FMN2: variants seen among roughly 807,000 people sequenced by gnomAD.
The protein encoded by FMN2 is formin-2.
A neutral mutation model predicts 142.3 loss-of-function variants in FMN2; 51 were observed. That is an observed-to-expected ratio of 0.36 (90% confidence interval 0.29 to 0.45). The LOEUF is 0.45. Among genes scored for constraint, FMN2 ranks in the 20% least tolerant of loss-of-function variants. The pLI is 1.00. For missense variants in FMN2, 1,936 were observed against 2,122.8 expected (o/e 0.91, Z 1.73); for synonymous variants, 882 against 869.8 (o/e 1.01, Z -0.25).
rs1671242279 is a variant in FMN2 at position 240,328,150 on chromosome 1, A to AT, written c.4216-926_4216-925insT. Among the ~76,000 whole-genome samples, 4 of 136,964 alleles carry AT rather than the reference A, an allele frequency of 2.9e-5. 1 individual carries two copies. The highest frequency in any genetic ancestry group is 1.1e-4 in the African/African-American group (4 of 35,512). The allele number at this position is 136,964 out of a possible 152,430, so 89.9% of individuals were successfully genotyped here. A position where few individuals can be genotyped will look rare whatever the true frequency, so the allele number is the denominator to read the frequency against. ...GTGACGGAGCAAGACCCCATCTCAA[A>AT]AAAAAAAAAAAAAAAAAAAAAAGAA... On this transcript the variant is annotated intron_variant, in intron 8 of 17. Transcript: ENST00000319653.
chr1:240,386,515 C>T (rs1186397918), intron 14 of FMN2, among the ~76,000 whole-genome samples: 4 of 152,048 alleles, frequency 2.6e-5, no homozygotes, highest in African/African-American at 7.2e-5. Context: ...TCAGAAAGGG[C>T]GTCCATTTCG....
chr1:240,166,141 T>C (rs2103301177), intron 2 of FMN2, among the ~76,000 whole-genome samples: 1 of 149,142 alleles, frequency 6.7e-6, no homozygotes, highest in African/African-American at 2.4e-5. Context: ...TTTATATATA[T>C]GTATATAAAT....
At chr1:240,295,689 A>G (rs7519394) in intron 8 of FMN2, among the ~76,000 whole-genome samples, 31,677 of 152,046 alleles carry the variant, frequency 0.21, 3,546 homozygotes, top group Admixed American at 0.33. Flanking sequence ...GGTTGGTTTT[A>G]TATCTTGTCT....
At chr1:240,275,052 G>A (rs1263678477) in intron 7 of FMN2, among the ~76,000 whole-genome samples, 3 of 150,492 alleles carry the variant, frequency 2.0e-5, no homozygotes, top group African/African-American at 7.4e-5. Context: ...GGGAAATTGG[G>A]GTCAAGAAAG....
intron 14 of FMN2, among the ~76,000 whole-genome samples, chr1:240,388,862 CAAA>C (rs1332625932): frequency 2.2e-5 from 1 of 44,464 alleles, no homozygotes; most frequent in Non-Finnish European, 4.8e-5. Context: ...AACTCCATCT[CAAA>C]AAAAAAAAAA....
intron 11 of FMN2, among the ~76,000 whole-genome samples, chr1:240,333,567 A>T (rs1023445076): frequency 6.6e-5 from 10 of 152,126 alleles, no homozygotes; most frequent in Admixed American, 5.2e-4. Context: ...ATCAAACAAA[A>T]ACAATAAAAA....
chr1:240,443,050 A>C (rs1167445221), intron 16 of FMN2, among the ~76,000 whole-genome samples: 2 of 152,230 alleles, frequency 1.3e-5, no homozygotes, highest in African/African-American at 2.4e-5. Context: ...TTTAATAAAA[A>C]TGGTATCCTG....
intron 4 of FMN2, among the ~76,000 whole-genome samples, chr1:240,200,776 A>G (rs1235311926): frequency 6.7e-6 from 1 of 150,346 alleles, no homozygotes; most frequent in Non-Finnish European, 1.5e-5. Flanking sequence ...TGTAAGAAGC[A>G]GATAGTTTGT....
chr1:240,260,178 ATT>A (rs1026484279), intron 7 of FMN2, among the ~76,000 whole-genome samples: 6 of 152,092 alleles, frequency 3.9e-5, no homozygotes, highest in African/African-American at 1.4e-4. Flanking sequence ...CTGGTTCCAT[ATT>A]TTTGCAATTG....
In FMN2 at chr1:240,123,175, G is replaced by T; in HGVS notation, c.1616-4G>T. ...CGCTCTTAATGACTGTGTTTCATCT[G>T]CAGGGCGAACGCTGTTGGAGAAGCT... On this transcript the variant is annotated splice_polypyrimidine_tract_variant and splice_region_variant and intron_variant, in intron 1 of 17. Coordinates refer to ENST00000319653, the MANE Select transcript of FMN2 (RefSeq NM_020066.5). 1 of 1,614,076 alleles carries T rather than the reference G, an allele frequency of 6.2e-7. No homozygotes were observed. Among genetic ancestry groups the T allele is most frequent in the Non-Finnish European group, 8.5e-7 (1 of 1,179,994 alleles).
At chr1:240,337,133 A>T (rs2103024070) in intron 13 of FMN2, among the ~76,000 whole-genome samples, 1 of 150,550 alleles carries the variant, frequency 6.6e-6, no homozygotes, top group East Asian at 2.0e-4. Flanking sequence ...GGATTATGTT[A>T]TTTTAGGAAC....
At position 240,231,164 on chromosome 1, in the gene FMN2, T is replaced by C. The variant is rs1378992776; in HGVS notation, c.4065+19929T>C. 2.3e-5 allele frequency among the ~76,000 whole-genome samples: 3 copies of C among 132,342 alleles called. 1 individual carries two copies. Among genetic ancestry groups the C allele is most frequent in the Admixed American group, 7.2e-5 (1 of 13,882 alleles). 86.8% of individuals were successfully genotyped at this position (132,342 alleles called of 152,430 possible). ...CACGAAGCAGGTAGACACACAGCTA[T>C]TCCAAAAACAAGAAAACAAAACAAA... is the stretch of plus-strand genomic sequence containing the variant. On this transcript the variant is annotated intron_variant, in intron 6 of 17. Transcript: ENST00000319653.
intron 2 of FMN2, among the ~76,000 whole-genome samples, chr1:240,148,494 AAG>A (rs1042179339): frequency 1.7e-5 from 2 of 115,358 alleles, no homozygotes; most frequent in South Asian, 3.7e-4. Context: ...GAGAGAGAGA[AAG>A]AGAGGAGAGA....
intron 16 of FMN2, among the ~76,000 whole-genome samples, chr1:240,466,480 A>G (rs1435501287): frequency 6.6e-6 from 1 of 152,182 alleles, no homozygotes; most frequent in Non-Finnish European, 1.5e-5. Context: ...ATAAGTAAAG[A>G]TGTTTTATAT....
At chr1:240,340,976 T>C (rs78146363) in intron 13 of FMN2, among the ~76,000 whole-genome samples, 2,689 of 152,266 alleles carry the variant, frequency 0.018, 92 homozygotes, top group African/African-American at 0.061. Flanking sequence ...TGTACATTGG[T>C]CTAATCCCTG....
At chr1:240,095,811 G>A (rs1246529066) in intron 1 of FMN2, among the ~76,000 whole-genome samples, 13 of 152,036 alleles carry the variant, frequency 8.6e-5, no homozygotes, top group Admixed American at 8.5e-4. Context: ...TTTGAAATTT[G>A]GGACTCTTAA....
chr1:240,283,584 G>A (rs1669487638), intron 7 of FMN2, among the ~76,000 whole-genome samples: 1 of 152,148 alleles, frequency 6.6e-6, no homozygotes, highest in Non-Finnish European at 1.5e-5. Flanking sequence ...GCTATATGCA[G>A]GACACTCTGG....
intron 14 of FMN2, among the ~76,000 whole-genome samples, chr1:240,377,284 T>TA (rs1673078269): frequency 6.6e-6 from 1 of 151,614 alleles, no homozygotes; most frequent in Non-Finnish European, 1.5e-5. Context: ...GAGATATTCT[T>TA]ACAGAATGTA....
chr1:240,387,597 A>G (rs1014821906), intron 14 of FMN2, among the ~76,000 whole-genome samples: 1 of 152,242 alleles, frequency 6.6e-6, no homozygotes, highest in Non-Finnish European at 1.5e-5. Context: ...TCTATTAAAT[A>G]TATTTTAAAG....
Sources: allele counts gnomAD v4.1 joint callset (sites outside exome capture counted in the v4.1 genomes callset), GRCh38; gene constraint gnomAD v4.1.1; transcripts MANE v1.5; gene names NCBI Gene and HGNC (gene_info 2026-07-23, HGNC 2026-07-21).